The following STXBP6 variants were observed in gnomAD, a reference collection of about 807,000 sequenced individuals.
STXBP6 encodes the protein syntaxin binding protein 6.
A neutral mutation model predicts 26.9 loss-of-function variants in STXBP6; 21 were observed. That is an observed-to-expected ratio of 0.78 (90% CI 0.55 to 1.12). STXBP6 has a LOEUF of 1.12. Ranked by LOEUF, STXBP6 falls within the 50% of genes most tolerant of loss-of-function variation. The pLI, the probability that STXBP6 is intolerant of heterozygous loss-of-function variation, is 0.00. For missense variants in STXBP6, 232 were observed against 257.9 expected (o/e 0.90, Z 0.69); for synonymous variants, 97 against 92.6 (o/e 1.05, Z -0.27).
chr14:24,948,062 C>T (rs142434763), intron 2 of STXBP6, among the ~76,000 whole-genome samples: 10 of 152,236 alleles, frequency 6.6e-5, no homozygotes, highest in East Asian at 5.8e-4. Flanking sequence ...CTTAGTATTA[C>T]ACAGAGGGCA....
intron 1 of STXBP6, among the ~76,000 whole-genome samples, chr14:24,975,898 T>C (rs1310471322): frequency 6.6e-6 from 1 of 152,212 alleles, no homozygotes; most frequent in African/African-American, 2.4e-5. Flanking sequence ...GCCCTAATAA[T>C]GAATAGATAT....
At chr14:24,877,022 A>G (rs771783664) in intron 2 of STXBP6, among the ~76,000 whole-genome samples, 6 of 152,226 alleles carry the variant, frequency 3.9e-5, no homozygotes, top group Admixed American at 2.0e-4. Context: ...GAAGAGTTCA[A>G]TTCAGCAGGT....
At chr14:24,943,708 G>A (rs1184903717) in intron 2 of STXBP6, among the ~76,000 whole-genome samples, 1 of 152,170 alleles carries the variant, frequency 6.6e-6, no homozygotes, top group Non-Finnish European at 1.5e-5. Flanking sequence ...GTACTGCTAT[G>A]TAATTGGATT....
Position 25,049,462 on chromosome 14 carries a change from G to A in STXBP6, c.-33+416C>T, listed in dbSNP as rs891864543. 3 of 985,276 alleles carry A rather than the reference G, an allele frequency of 3.0e-6. No homozygotes were observed. Among genetic ancestry groups the A allele is most frequent in the African/African-American group, 3.5e-5 (2 of 57,240 alleles). 61.0% of individuals were successfully genotyped at this position (985,276 alleles called of 1,614,324 possible). A position where few individuals can be genotyped will look rare whatever the true frequency, so the allele number is the denominator to read the frequency against. On this transcript the variant is annotated intron_variant, in intron 1 of 5. Coordinates refer to ENST00000323944, the MANE Select transcript of STXBP6 (RefSeq NM_001394410.1). This position sits in a 1 kb window ranked among gnomAD's most constrained non-coding sequence, Gnocchi z 5.6. ...CGCGGATTTCTGCGCTCAAGCTAGA[G>A]GCGCAGCGACCCCGAGCTCCCCCAC...
In STXBP6 at chr14:24,974,692, C is replaced by A; in HGVS notation, c.127G>T (p.Glu43Ter). 1 of 1,556,264 alleles carries A rather than the reference C, an allele frequency of 6.4e-7. No homozygotes were observed. Among genetic ancestry groups the A allele is most frequent in the Non-Finnish European group, 8.7e-7 (1 of 1,148,508 alleles). The change falls in exon 2 of 6, where the codon GAA becomes TAA. Residue 43 changes from glutamate (E) to a stop codon, truncating the protein, a stop_gained. Transcript: ENST00000323944. LOFTEE classifies it high-confidence loss of function. ...GACAGGCAGATATAAGTTAAATATT[C>A]GCCTTGACCTCCAGTTGCCAAGAAA... is the stretch of plus-strand genomic sequence containing the variant. ...IPFLATGGQG[E>*]YLTYICLSVT...
rs996745760 is a variant in STXBP6 at position 24,882,243 on chromosome 14, G to A, written c.155-25086C>T. Among the ~76,000 whole-genome samples the A allele has an allele frequency of 5.3e-5, 8 of 149,590 alleles. No individual in the cohort carries two copies. In the South Asian group the frequency reaches 1.1e-3, roughly 20 times the overall value. On this transcript the variant is annotated intron_variant, in intron 2 of 5. Transcript: ENST00000323944. ...AAATACAAAAAATTAGCCGGGCGTA[G>A]TGGCGGGCGCCTGTAGTCCCAGCTA...
chr14:24,842,382 T>A (rs2068811897), intron 4 of STXBP6, among the ~76,000 whole-genome samples: 1 of 152,242 alleles, frequency 6.6e-6, no homozygotes, highest in South Asian at 2.1e-4. Context: ...AGACCTGGAA[T>A]CCAGCAGACA....
chr14:24,899,881 T>G (rs2071151176), intron 2 of STXBP6, among the ~76,000 whole-genome samples: 1 of 149,740 alleles, frequency 6.7e-6, no homozygotes, highest in South Asian at 2.1e-4. Context: ...AGCTCTTGAA[T>G]GGTGCTCTTA....
At chr14:24,903,703 C>A (rs1355651843) in intron 2 of STXBP6, among the ~76,000 whole-genome samples, 1 of 152,112 alleles carries the variant, frequency 6.6e-6, no homozygotes, top group Non-Finnish European at 1.5e-5. Context: ...AGGGATCTAA[C>A]ACAGATGGAT....
chr14:25,004,630 T>A (rs1010083225), intron 1 of STXBP6, among the ~76,000 whole-genome samples: 10 of 152,218 alleles, frequency 6.6e-5, no homozygotes, highest in East Asian at 3.8e-4. Flanking sequence ...CTTGAGGCAA[T>A]CTGGTCAACT....
At chr14:24,913,655 T>C (rs1271917036) in intron 2 of STXBP6, among the ~76,000 whole-genome samples, 1 of 152,206 alleles carries the variant, frequency 6.6e-6, no homozygotes, top group East Asian at 1.9e-4. Flanking sequence ...AGTTTTTAAA[T>C]AGTCAATTTG....
intron 2 of STXBP6, among the ~76,000 whole-genome samples, chr14:24,930,120 C>T (rs1367469976): frequency 6.6e-6 from 1 of 152,216 alleles, no homozygotes; most frequent in Non-Finnish European, 1.5e-5. Context: ...AACGAATCCA[C>T]TTTTGGAGGT....
At chr14:24,938,826 C>G (rs984031240) in intron 2 of STXBP6, among the ~76,000 whole-genome samples, 3 of 152,112 alleles carry the variant, frequency 2.0e-5, no homozygotes, top group Non-Finnish European at 2.9e-5. Context: ...ACATTCCTAA[C>G]AGAAAACTCA....
intron 2 of STXBP6, among the ~76,000 whole-genome samples, chr14:24,928,262 G>A (rs1035755872): frequency 2.0e-5 from 3 of 152,072 alleles, no homozygotes; most frequent in Admixed American, 1.3e-4. Flanking sequence ...GCACTACCAT[G>A]GAAAAAACTG....
At chr14:25,001,585 G>C (rs1156735077) in intron 1 of STXBP6, among the ~76,000 whole-genome samples, 1 of 152,172 alleles carries the variant, frequency 6.6e-6, no homozygotes, top group Non-Finnish European at 1.5e-5. Context: ...TTCTTTCTTA[G>C]AGTTTCAATC....
intron 2 of STXBP6, among the ~76,000 whole-genome samples, chr14:24,912,427 T>C (rs775942779): frequency 1.1e-4 from 14 of 124,788 alleles, no homozygotes; most frequent in East Asian, 2.3e-4. Flanking sequence ...GTAAGGTTTA[T>C]AGAAAGTGAA....
At position 24,993,112 on chromosome 14, in the gene STXBP6, T is replaced by C. The variant is rs889101299; in HGVS notation, c.-32-18262A>G. On this transcript the variant is annotated intron_variant, in intron 1 of 5. Coordinates refer to ENST00000323944, the MANE Select transcript of STXBP6 (RefSeq NM_001394410.1). ...TAGTCTCCTTTGGTGATCTCAGTCA[T>C]TTCTAAGACTTCAAGTACCACCTAC... Among the ~76,000 whole-genome samples, 20 of 152,192 alleles carry C rather than the reference T, an allele frequency of 1.3e-4. 1 individual carries two copies. The highest frequency in any genetic ancestry group is 5.9e-4 in the Admixed American group (9 of 15,278).
intron 1 of STXBP6, among the ~76,000 whole-genome samples, chr14:25,026,522 T>C (rs565230443): frequency 2.0e-4 from 31 of 152,184 alleles, no homozygotes; most frequent in Non-Finnish European, 4.0e-4. Flanking sequence ...ATGATCCCAC[T>C]AAATTAGATA....
At chr14:24,991,882 C>T (rs542134478) in intron 1 of STXBP6, among the ~76,000 whole-genome samples, 1 of 152,316 alleles carries the variant, frequency 6.6e-6, no homozygotes, top group African/African-American at 2.4e-5. Context: ...ACAGCCCCTA[C>T]ATCCACTCCC....
Sources: allele counts gnomAD v4.1 joint callset (sites outside exome capture counted in the v4.1 genomes callset), GRCh38; gene constraint gnomAD v4.1.1; non-coding constraint Gnocchi (gnomAD v3.1); transcripts MANE v1.5; gene names NCBI Gene and HGNC (gene_info 2026-07-23, HGNC 2026-07-21).